GABPB1: variants seen among roughly 807,000 people sequenced by gnomAD.
GABPB1 encodes GA-binding protein subunit beta-1.
A neutral mutation model predicts 45.9 loss-of-function variants in GABPB1; 15 were observed. The observed-to-expected ratio is 0.33, with a 90% CI of 0.22 to 0.50. The LOEUF (loss-of-function observed/expected upper bound fraction) is 0.50, where lower values mean the gene tolerates loss of function less well. Among genes scored for constraint, GABPB1 ranks in the 20% least tolerant of loss-of-function variants. The pLI, the probability that GABPB1 is intolerant of heterozygous loss-of-function variation, is 0.98. For missense variants in GABPB1, 252 were observed against 457.5 expected, an observed-to-expected ratio of 0.55 and a Z score of 4.10; for synonymous variants, 143 against 154.4, an observed-to-expected ratio of 0.93 and a Z score of 0.55.
chr15:50,354,194 G>T (rs528582981), intron 1 of GABPB1: 40 of 342,916 alleles, frequency 1.2e-4, no homozygotes, highest in South Asian at 8.4e-4. Flanking sequence ...TGCCCTGGCA[G>T]AGATGACCTG....
chr15:50,280,624 T>C (rs2140961583), intron 8 of GABPB1, among the ~76,000 whole-genome samples: 1 of 152,192 alleles, frequency 6.6e-6, no homozygotes, highest in African/African-American at 2.4e-5. Flanking sequence ...TATGCGCCTG[T>C]AGTCCCAGCT....
At chr15:50,341,178 A>G (rs190072597) in intron 1 of GABPB1, among the ~76,000 whole-genome samples, 41 of 152,232 alleles carry the variant, frequency 2.7e-4, no homozygotes, top group Admixed American at 2.0e-3. Context: ...GAATATAGAT[A>G]TAATTATGCA....
At chr15:50,285,865 T>G (rs1019594532) in intron 8 of GABPB1, 17 of 1,351,708 alleles carry the variant, frequency 1.3e-5, no homozygotes, top group Non-Finnish European at 1.4e-5. Flanking sequence ...TATAAACAAA[T>G]TCTTCACTCA....
intron 1 of GABPB1, among the ~76,000 whole-genome samples, chr15:50,347,073 C>A (rs756172300): frequency 6.6e-6 from 1 of 152,048 alleles, no homozygotes; most frequent in Non-Finnish European, 1.5e-5. Context: ...CAAGCATGAC[C>A]CACTGCACCC....
At chr15:50,318,965 T>C (rs1006232719) in intron 1 of GABPB1, among the ~76,000 whole-genome samples, 1 of 152,162 alleles carries the variant, frequency 6.6e-6, no homozygotes, top group African/African-American at 2.4e-5. Flanking sequence ...TGGGGTGTAA[T>C]GTAAAGCAAA....
At chr15:50,316,138 C>T (rs1370031599) in intron 1 of GABPB1, among the ~76,000 whole-genome samples, 14 of 152,190 alleles carry the variant, frequency 9.2e-5, no homozygotes, top group Admixed American at 9.2e-4. Context: ...AAATATATTG[C>T]TTTTCTGCTG....
intron 1 of GABPB1, among the ~76,000 whole-genome samples, chr15:50,331,937 T>C (rs1390350416): frequency 6.6e-6 from 1 of 151,934 alleles, no homozygotes; most frequent in Admixed American, 6.6e-5. Context: ...TGCAGTTGCA[T>C]GATCTCTGCT....
chr15:50,300,659 G>A (rs1455181031), intron 6 of GABPB1, 130 bp downstream of exon 6: 3 of 613,192 alleles, frequency 4.9e-6, no homozygotes, highest in Non-Finnish European at 8.8e-6. Flanking sequence ...TGTCCAGGCT[G>A]GTCTCAAACT....
intron 8 of GABPB1, among the ~76,000 whole-genome samples, chr15:50,284,759 C>A (rs1034437509): frequency 2.0e-5 from 3 of 151,964 alleles, no homozygotes. Context: ...AATTTTTTTA[C>A]CTTATGTGTC....
At chr15:50,287,611 A>G (rs990055005) in intron 7 of GABPB1, among the ~76,000 whole-genome samples, 9 of 152,312 alleles carry the variant, frequency 5.9e-5, no homozygotes, top group African/African-American at 2.2e-4. Context: ...CTCAGAAGAA[A>G]CCAAACCTGC....
At chr15:50,346,815 T>C in intron 1 of GABPB1, among the ~76,000 whole-genome samples, 1 of 128,668 alleles carries the variant, frequency 7.8e-6, no homozygotes, top group South Asian at 2.5e-4. Flanking sequence ...TGAGACAGAG[T>C]CTCACTCTGT....
At chr15:50,326,153 C>T (rs2047754833) in intron 1 of GABPB1, among the ~76,000 whole-genome samples, 2 of 151,182 alleles carry the variant, frequency 1.3e-5, no homozygotes, top group East Asian at 2.0e-4. Context: ...GTGATCCACC[C>T]ACCTCGGCCT....
chr15:50,285,450 T>C (rs1410030826), intron 8 of GABPB1, among the ~76,000 whole-genome samples: 1 of 152,150 alleles, frequency 6.6e-6, no homozygotes, highest in Non-Finnish European at 1.5e-5. Context: ...ATCAAGTTCA[T>C]GGAACAAAAT....
chr15:50,315,457 G>A (rs143303993), intron 1 of GABPB1, among the ~76,000 whole-genome samples: 14 of 152,196 alleles, frequency 9.2e-5, no homozygotes, highest in African/African-American at 2.2e-4. Context: ...TAAAGTTAGC[G>A]GAAGGGGCAA....
chr15:50,317,506 A>G (rs1438615956), intron 1 of GABPB1, among the ~76,000 whole-genome samples: 2 of 151,902 alleles, frequency 1.3e-5, no homozygotes, highest in East Asian at 1.9e-4. Context: ...CTAAGTTTTA[A>G]TTTTTTTATA....
At chr15:50,283,919 T>G (rs1280975154) in intron 8 of GABPB1, among the ~76,000 whole-genome samples, 1 of 152,238 alleles carries the variant, frequency 6.6e-6, no homozygotes, top group Non-Finnish European at 1.5e-5. Flanking sequence ...TTAAATTTCT[T>G]TAAGTTTCTC....
At chr15:50,344,866 A>G (rs1567550127) in intron 1 of GABPB1, among the ~76,000 whole-genome samples, 1 of 152,062 alleles carries the variant, frequency 6.6e-6, no homozygotes, top group South Asian at 2.1e-4. Flanking sequence ...TAAATAAATA[A>G]AGCAAAAGTA....
chr15:50,353,535 T>C (rs1157003209), intron 1 of GABPB1: 2 of 152,078 alleles, frequency 1.3e-5, no homozygotes, highest in African/African-American at 2.4e-5. Context: ...ATGTCACTCT[T>C]ATCATCTATG....
In GABPB1 at chr15:50,302,947, A is replaced by T. The variant is rs765155820; in HGVS notation, c.453T>A (p.Asp151Glu). ...FDISIDNGNEDLAEILQIAMQ... is the reference protein window; with the variant it reads ...FDISIDNGNEELAEILQIAMQ... ...AAGTTACCTGTAATATCTCTGCTAA[A>T]TCTTCATTTCCATTGTCTATTGAAA... Residue 151 changes from aspartate (D) to glutamate (E), a missense_variant, in exon 4 of 9, where the codon GAT (aspartate) becomes GAA (glutamate). Asp to Glu is a conservative substitution (Grantham distance 45). Coordinates refer to ENST00000380877, the MANE Select transcript of GABPB1 (RefSeq NM_016654.5). 6.2e-7 allele frequency: 1 copy of T among 1,612,320 alleles called. No individual in the cohort carries two copies. The highest frequency in any genetic ancestry group is 1.1e-5 in the South Asian group (1 of 90,654).
Sources: allele counts gnomAD v4.1 joint callset (sites outside exome capture counted in the v4.1 genomes callset), GRCh38; gene constraint gnomAD v4.1.1; transcripts MANE v1.5; gene names NCBI Gene and HGNC (gene_info 2026-07-23, HGNC 2026-07-21).